The following LSP1 variants were observed in gnomAD, a reference collection of about 807,000 sequenced individuals.
The protein encoded by LSP1 is lymphocyte specific protein 1.
Under a neutral mutation model 49.3 loss-of-function variants are expected in LSP1, and 32 were observed. The ratio of observed to expected loss-of-function variants is 0.65; its 90% CI spans 0.49 to 0.87. The LOEUF (loss-of-function observed/expected upper bound fraction) is 0.87, where lower values mean the gene tolerates loss of function less well. Ranked by LOEUF, LSP1 falls within the 40% of genes least tolerant of loss-of-function variation. The pLI is 0.00. For missense variants in LSP1, 428 were observed against 442.6 expected, an observed-to-expected ratio of 0.97 and a Z score of 0.30; for synonymous variants, 179 against 178.8, an observed-to-expected ratio of 1.00 and a Z score of -0.01.
intron 1 of LSP1, among the ~76,000 whole-genome samples, chr11:1,855,804 T>A (rs1847473970): frequency 6.6e-6 from 1 of 152,174 alleles, no homozygotes. Flanking sequence ...CTGGGGGGAC[T>A]CTCTGGTGAC....
In LSP1 at chr11:1,883,976, G is replaced by A. The variant is rs1456357188; in HGVS notation, c.543G>A (p.Leu181=). The change falls in exon 5 of 11, where the codon TTG becomes TTA. Residue 181 remains leucine (L), a synonymous_variant. Coordinates refer to ENST00000311604, the MANE Select transcript of LSP1 (RefSeq NM_002339.3). ...CCAGGACACCCAGCCCCTTGGTCTT[G>A]GAGGGGACCATCGAACAGAGCTCGC... is the stretch of plus-strand genomic sequence containing the variant. ...QQPRTPSPLV[L]EGTIEQSSPP... is the part of the protein sequence containing the mutation. 3 of 1,612,466 alleles carry A rather than the reference G, an allele frequency of 1.9e-6. No individual in the cohort carries two copies. Among genetic ancestry groups the A allele is most frequent in the South Asian group, 1.1e-5 (1 of 90,944 alleles).
At chr11:1,864,264 TG>T (rs1847717351) in intron 1 of LSP1, 7 of 987,552 alleles carry the variant, frequency 7.1e-6, no homozygotes, top group Non-Finnish European at 7.2e-6. Flanking sequence ...GACGAGGGGC[TG>T]GACAAGAACG....
intron 2 of LSP1, 33 bp from the exon 3 acceptor site, chr11:1,881,399 G>A (rs368929394): frequency 7.2e-5 from 110 of 1,532,232 alleles, no homozygotes; most frequent in Non-Finnish European, 8.4e-5. Context: ...GGCAGCAGCC[G>A]CCCAGGCCTA....
At chr11:1,859,332 G>A (rs1055854735) in intron 1 of LSP1, 2 of 152,290 alleles carry the variant, frequency 1.3e-5, no homozygotes, top group Admixed American at 1.3e-4. Flanking sequence ...CTGCAGATGA[G>A]GATTCAAGGT....
intron 1 of LSP1, among the ~76,000 whole-genome samples, chr11:1,861,695 GTGGATGGATGGA>G (rs58820256): frequency 2.0e-4 from 25 of 122,174 alleles, no homozygotes; most frequent in South Asian, 5.5e-4. Flanking sequence ...GGATGGGTGG[GTGGATGGATGGA>G]TGGATGGATG....
At position 1,889,863 on chromosome 11, in the gene LSP1, A is replaced by C. The variant is rs1033898212; in HGVS notation, c.*14-1910A>C. 6.3e-6 allele frequency: 4 copies of C among 631,774 alleles called. No homozygotes were observed. The Admixed American group carries it at 8.2e-5, about 13-fold the overall frequency. The allele number at this position is 631,774 out of a possible 1,614,324, so 39.1% of individuals were successfully genotyped here. ...CCGTGGTACAGGGGGCTCCTCAGGCAAGGGACTGGCAGCCTGGACTGTGGT... is the reference window on the plus strand; with the variant it reads ...CCGTGGTACAGGGGGCTCCTCAGGCCAGGGACTGGCAGCCTGGACTGTGGT... On this transcript the variant is annotated intron_variant, in intron 10 of 10. Coordinates refer to ENST00000311604, the MANE Select transcript of LSP1 (RefSeq NM_002339.3).
intron 1 of LSP1, among the ~76,000 whole-genome samples, chr11:1,875,829 C>A (rs896815386): frequency 2.6e-5 from 4 of 152,228 alleles, no homozygotes; most frequent in African/African-American, 9.6e-5. Context: ...CCACCTGTCA[C>A]CCACCTGCTG....
At chr11:1,876,588 C>G in intron 1 of LSP1, 1 of 985,550 alleles carries the variant, frequency 1.0e-6, no homozygotes, top group Non-Finnish European at 1.2e-6. Flanking sequence ...GGGGCAGAGT[C>G]GGGACGGGGA....
intron 1 of LSP1, among the ~76,000 whole-genome samples, chr11:1,856,087 G>A (rs766378899): frequency 2.6e-5 from 4 of 151,842 alleles, no homozygotes; most frequent in Admixed American, 6.5e-5. Flanking sequence ...CCGCCCAGGC[G>A]TGCCCACCCC....
intron 1 of LSP1, chr11:1,866,878 C>T (rs1367148625): frequency 2.2e-5 from 33 of 1,534,460 alleles, no homozygotes; most frequent in African/African-American, 1.8e-4. Context: ...CATGAGCATC[C>T]GTCCAGCGGG....
intron 1 of LSP1, among the ~76,000 whole-genome samples, chr11:1,862,724 C>T (rs1279679869): frequency 6.7e-6 from 1 of 149,244 alleles, no homozygotes; most frequent in Non-Finnish European, 1.5e-5. Context: ...CCTGGGTGAC[C>T]TCACCTCCCC....
At chr11:1,871,258 C>G in intron 1 of LSP1, 1 of 986,836 alleles carries the variant, frequency 1.0e-6, no homozygotes, top group Non-Finnish European at 1.2e-6. Context: ...GCCACGCCGC[C>G]GGGATGCAGC....
chr11:1,881,906 A>G (rs1447891816), intron 3 of LSP1, among the ~76,000 whole-genome samples: 1 of 152,120 alleles, frequency 6.6e-6, no homozygotes, highest in Non-Finnish European at 1.5e-5. Context: ...GGGGCTCCCC[A>G]GGGCCCCTGG....
chr11:1,867,635 C>G (rs1195397244), intron 1 of LSP1, among the ~76,000 whole-genome samples: 3 of 152,146 alleles, frequency 2.0e-5, no homozygotes, highest in Non-Finnish European at 4.4e-5. Context: ...CCCGGGGACC[C>G]CTTGGGTGTC....
At chr11:1,889,389 C>T (rs1848890362) in intron 10 of LSP1, 1 of 700,302 alleles carries the variant, frequency 1.4e-6, no homozygotes, top group Non-Finnish European at 2.7e-6. Flanking sequence ...ATCCCACATC[C>T]TGGAGGTCCG....
chr11:1,876,998 A>G (rs986779324), intron 1 of LSP1, among the ~76,000 whole-genome samples: 28 of 152,194 alleles, frequency 1.8e-4, no homozygotes, highest in African/African-American at 6.3e-4. Context: ...TCGGAGCCAG[A>G]ACAGACACAG....
chr11:1,870,638 GT>G (rs1309302578), intron 1 of LSP1: 1 of 1,088,634 alleles, frequency 9.2e-7, no homozygotes, highest in Non-Finnish European at 1.1e-6. Context: ...TTCTCTCTGG[GT>G]GCCGGCTGTG....
At position 1,884,232 on chromosome 11, in the gene LSP1, G is replaced by A. The variant is rs757529367; in HGVS notation, c.592-48G>A. 6.2e-7 allele frequency: 1 copy of A among 1,609,648 alleles called. No homozygotes were observed. On this transcript the variant is annotated intron_variant, in intron 5 of 10. Transcript: ENST00000311604. This position sits in a 1 kb window ranked among gnomAD's most constrained non-coding sequence, Gnocchi z 4.1. ...GAGTAGCTGGGGAGATGGAGGGTGG[G>A]CTTTACCTCGGCTGCTGCAGGCCTG... is the stretch of plus-strand genomic sequence containing the variant.
At chr11:1,876,094 A>C (rs1326708683) in intron 1 of LSP1, among the ~76,000 whole-genome samples, 1 of 152,176 alleles carries the variant, frequency 6.6e-6, no homozygotes, top group Non-Finnish European at 1.5e-5. Context: ...AGGCCCCGAC[A>C]CACACTCCGA....
Sources: allele counts gnomAD v4.1 joint callset (sites outside exome capture counted in the v4.1 genomes callset), GRCh38; gene constraint gnomAD v4.1.1; non-coding constraint Gnocchi (gnomAD v3.1); transcripts MANE v1.5; gene names NCBI Gene and HGNC (gene_info 2026-07-23, HGNC 2026-07-21).